Variants in ANK2 observed in about 807,000 individuals in gnomAD.
The protein encoded by ANK2 is ankyrin 2, also known as ankyrin-2.
Under a neutral mutation model 360.5 loss-of-function variants are expected in ANK2, and 83 were observed. That is an observed-to-expected ratio of 0.23 (90% CI 0.19 to 0.28). ANK2 has a LOEUF of 0.28. ANK2 is among the 10% of genes least tolerant of loss of function. ANK2 has a pLI of 1.00. For missense variants in ANK2, 4,201 were observed against 4,795.7 expected (o/e 0.88, Z 3.66); for synonymous variants, 1,740 against 1,759.5 (o/e 0.99, Z 0.28).
intron 4 of ANK2, 90 bp downstream of exon 4, chr4:113,199,199 C>T (rs2098794307): frequency 4.0e-6 from 4 of 1,009,534 alleles, no homozygotes; most frequent in Non-Finnish European, 6.1e-6. Context: ...AGCTGTTCTA[C>T]TGATAAATTT....
At chr4:113,206,435 G>T (rs1418079645) in intron 4 of ANK2, among the ~76,000 whole-genome samples, 3 of 152,108 alleles carry the variant, frequency 2.0e-5, no homozygotes, top group Admixed American at 1.3e-4. Context: ...CCTTTTTATG[G>T]CTGCATAGTA....
intron 1 of ANK2, chr4:112,827,081 C>T: frequency 8.6e-7 from 1 of 1,163,172 alleles, no homozygotes; most frequent in Non-Finnish European, 1.3e-6. Flanking sequence ...ACCCATGCAA[C>T]ACAGGAAAAA....
chr4:112,937,101 T>G (rs2093805472), intron 2 of ANK2, among the ~76,000 whole-genome samples: 1 of 152,050 alleles, frequency 6.6e-6, no homozygotes, highest in Non-Finnish European at 1.5e-5. Context: ...CTACTTATAG[T>G]TTTTAAGCAC....
intron 40 of ANK2, among the ~76,000 whole-genome samples, chr4:113,364,652 T>C (rs1473584045): frequency 1.3e-5 from 2 of 152,244 alleles, no homozygotes; most frequent in Non-Finnish European, 2.9e-5. Context: ...AGTAGAATTG[T>C]CAGATTTAGC....
At chr4:112,819,261 G>A (rs145184280) in intron 1 of ANK2, among the ~76,000 whole-genome samples, 3 of 152,226 alleles carry the variant, frequency 2.0e-5, no homozygotes, top group Admixed American at 1.3e-4. Flanking sequence ...GCACTTTTCT[G>A]TGAACACTTG....
At chr4:113,001,678 G>A (rs2050734330) in intron 2 of ANK2, among the ~76,000 whole-genome samples, 1 of 152,062 alleles carries the variant, frequency 6.6e-6, no homozygotes, top group African/African-American at 2.4e-5. Context: ...TTACAGTTCT[G>A]GTCATTCCTC....
intron 15 of ANK2, among the ~76,000 whole-genome samples, chr4:113,276,219 G>A (rs1275646352): frequency 1.3e-5 from 2 of 152,146 alleles, no homozygotes; most frequent in Non-Finnish European, 2.9e-5. Flanking sequence ...GGGATTACAG[G>A]AGTGAGCCAC....
chr4:112,780,177 ACT>A, the ANK2 span, among the ~76,000 whole-genome samples: 8 of 138,756 alleles, frequency 5.8e-5, no homozygotes, highest in African/African-American at 1.7e-4. Context: ...ACACAGTGAG[ACT>A]CTGTCTCAAA....
At chr4:113,093,771 A>G (rs2089721150) in intron 1 of ANK2, among the ~76,000 whole-genome samples, 1 of 152,206 alleles carries the variant, frequency 6.6e-6, no homozygotes. Context: ...GAATCATTGC[A>G]GGCACACAAC....
chr4:113,037,057 T>C (rs2061768365), intron 2 of ANK2, among the ~76,000 whole-genome samples: 1 of 151,946 alleles, frequency 6.6e-6, no homozygotes, highest in African/African-American at 2.4e-5. Flanking sequence ...CAGTGGTGTA[T>C]AATAATACAG....
Position 113,255,737 on chromosome 4 carries a change from T to C in ANK2, c.993T>C (p.Asn331=). The change falls in exon 11 of 46, where the codon AAT becomes AAC. Residue 331 remains asparagine, a splice_region_variant and synonymous_variant. Coordinates refer to ENST00000357077, the MANE Select transcript of ANK2 (RefSeq NM_001148.6). ...TTTTGTTTTCTTTTAATGTGCAGAA[T>C]GGGCTGTCTCCACTACACATGGCTG... ...RGAPLLARTK[N]GLSPLHMAAQ... is the part of the protein sequence containing the mutation. The C allele has an allele frequency of 1.2e-6, 2 of 1,614,040 alleles. No homozygotes were observed. Among genetic ancestry groups the C allele is most frequent in the Non-Finnish European group, 8.5e-7 (1 of 1,179,976 alleles).
chr4:113,222,721 C>T (rs1413723494), intron 4 of ANK2, among the ~76,000 whole-genome samples: 2 of 152,108 alleles, frequency 1.3e-5, no homozygotes, highest in Non-Finnish European at 2.9e-5. Context: ...ACACAGTAAA[C>T]ACTTGATAAA....
chr4:112,928,366 T>C (rs2092814221), intron 2 of ANK2, among the ~76,000 whole-genome samples: 1 of 151,732 alleles, frequency 6.6e-6, no homozygotes, highest in Non-Finnish European at 1.5e-5. Flanking sequence ...GATACTGTGG[T>C]ATGTAGTTAT....
At chr4:112,925,117 C>A (rs1175170376) in intron 2 of ANK2, among the ~76,000 whole-genome samples, 2 of 152,082 alleles carry the variant, frequency 1.3e-5, no homozygotes, top group Admixed American at 1.3e-4. Flanking sequence ...GGATTACAGG[C>A]GTGAGCCACC....
chr4:113,377,736 GTTA>G (rs1441383540), intron 45 of ANK2, among the ~76,000 whole-genome samples: 1 of 152,130 alleles, frequency 6.6e-6, no homozygotes, highest in Non-Finnish European at 1.5e-5. Flanking sequence ...AATTATCTGT[GTTA>G]TACCATTTGG....
At chr4:113,017,943 T>TG (rs2057073014) in intron 2 of ANK2, among the ~76,000 whole-genome samples, 1 of 152,136 alleles carries the variant, frequency 6.6e-6, no homozygotes, top group African/African-American at 2.4e-5. Flanking sequence ...ATGTGGTGGG[T>TG]ATAAGAGCAG....
chr4:112,966,809 A>G (rs1185033877), intron 2 of ANK2, among the ~76,000 whole-genome samples: 1 of 152,238 alleles, frequency 6.6e-6, no homozygotes, highest in Non-Finnish European at 1.5e-5. Flanking sequence ...TTGATTGACA[A>G]TGCATAAAAT....
intron 2 of ANK2, among the ~76,000 whole-genome samples, chr4:113,177,416 C>T (rs984903686): frequency 6.6e-6 from 1 of 152,126 alleles, no homozygotes; most frequent in African/African-American, 2.4e-5. Flanking sequence ...AATGCACTCC[C>T]TAAATGTCAA....
At chr4:113,154,256 A>G (rs2097197265) in intron 1 of ANK2, among the ~76,000 whole-genome samples, 1 of 152,240 alleles carries the variant, frequency 6.6e-6, no homozygotes, top group African/African-American at 2.4e-5. Context: ...CCAAAAACTA[A>G]TAATTACTGT....
Sources: gnomAD v4.1 joint callset for allele counts (sites outside exome capture counted in the v4.1 genomes callset) on GRCh38, gnomAD v4.1.1 for gene constraint, MANE v1.5 for transcripts, NCBI Gene and HGNC (gene_info 2026-07-23, HGNC 2026-07-21) for gene names.